ADAMTS13: variants seen among roughly 807,000 people sequenced by gnomAD.
The protein encoded by ADAMTS13 is A disintegrin and metalloproteinase with thrombospondin motifs 13.
In ADAMTS13, 110 loss-of-function variants were observed where a neutral mutation model predicts 155.1. That is an observed-to-expected ratio of 0.71 (90% CI 0.61 to 0.83). The LOEUF (loss-of-function observed/expected upper bound fraction) is 0.83, where lower values mean the gene tolerates loss of function less well. ADAMTS13 is among the 40% of genes least tolerant of loss of function. The pLI is 0.00. For synonymous variants in ADAMTS13, 758 were observed against 756.4 expected (o/e 1.00, Z -0.03); for missense variants, 1,707 against 1,891.7 (o/e 0.90, Z 1.81).
At chr9:133,433,958 T>C (rs1840988704) in intron 11 of ADAMTS13, among the ~76,000 whole-genome samples, 1 of 151,682 alleles carries the variant, frequency 6.6e-6, no homozygotes, top group Non-Finnish European at 1.5e-5. Flanking sequence ...TAGCCGGGCG[T>C]GGTGGTGGGC....
At chr9:133,453,408 C>T (rs1363623281) in intron 23 of ADAMTS13, among the ~76,000 whole-genome samples, 2 of 152,114 alleles carry the variant, frequency 1.3e-5, no homozygotes, top group Admixed American at 6.5e-5. Context: ...TGCACTCCAG[C>T]CTGGGTGGTT....
upstream of ADAMTS13, among the ~76,000 whole-genome samples, chr9:133,418,817 C>T (rs782274315): frequency 3.3e-5 from 5 of 152,192 alleles, no homozygotes; most frequent in Non-Finnish European, 4.4e-5. Flanking sequence ...GGCGCGGCGC[C>T]GGGCTGTCTG....
intron 8 of ADAMTS13, among the ~76,000 whole-genome samples, chr9:133,430,762 A>C (rs1467717650): frequency 5.2e-4 from 75 of 143,090 alleles, no homozygotes; most frequent in Non-Finnish European, 8.7e-4. Context: ...CCAGATTCAC[A>C]CCATTCTCCT....
intron 1 of ADAMTS13, chr9:133,415,771 T>G (rs1188227746): frequency 6.6e-6 from 1 of 152,240 alleles, no homozygotes; most frequent in Non-Finnish European, 1.5e-5. Flanking sequence ...ATTTTGCTTT[T>G]CTTTCTTGGG....
rs1479338170 is a variant in ADAMTS13 at position 133,455,339 on chromosome 9, C to T, written c.3304C>T (p.Pro1102Ser). 3 of 1,609,662 alleles carry T rather than the reference C, an allele frequency of 1.9e-6. No individual in the cohort carries two copies. Among genetic ancestry groups the T allele is most frequent in the African/African-American group, 2.7e-5 (2 of 74,930 alleles). ...IQRRRDTCLG[P>S]QAQAPVPADF... ...GCGCCGGCGTGACACCTGCCTCGGA[C>T]CCCAGGCCCAGGCGCCTGTGCCAGC... Residue 1102 changes from proline to serine, a missense_variant, in exon 25 of 29, where the codon CCC becomes TCC. Pro to Ser is a moderately conservative substitution (Grantham distance 74, BLOSUM62 -1). Around this residue, in one of 3 missense-constraint regions of ADAMTS13, gnomAD observed 961 missense variants for 1,107.9 expected, o/e 0.87. Transcript: ENST00000355699.
Position 133,433,391 on chromosome 9 carries a change from G to T in ADAMTS13, c.1106G>T (p.Gly369Val). 1.9e-6 allele frequency: 3 copies of T among 1,612,924 alleles called. No individual in the cohort carries two copies. The highest frequency in any genetic ancestry group is 2.5e-6 in the Non-Finnish European group (3 of 1,179,934). Residue 369 changes from glycine to valine, a missense_variant, in exon 10 of 29, where the codon GGT becomes GTT. Gly to Val is a moderately radical substitution (Grantham distance 109). Transcript: ENST00000355699. The stretch of plus-strand genomic sequence containing the variant: ...CTTGCCTTGCAGTGGTGCTCCAAGG[G>T]TCGCTGCCGCTCCCTGGTGGAGCTG... Reference protein sequence around the residue: ...ECGVEKWCSKGRCRSLVELTP... With the variant: ...ECGVEKWCSKVRCRSLVELTP...
chr9:133,417,815 C>G, upstream of ADAMTS13: 1 of 1,604,918 alleles, frequency 6.2e-7, no homozygotes, highest in South Asian at 1.1e-5. Context: ...TCGGGGCGCG[C>G]TTGGAGGCGG....
intron 23 of ADAMTS13, among the ~76,000 whole-genome samples, chr9:133,450,823 G>C (rs910417737): frequency 2.6e-5 from 4 of 152,236 alleles, no homozygotes; most frequent in African/African-American, 9.6e-5. Context: ...GTAAGGAATA[G>C]GGCTACCTGG....
intron 11 of ADAMTS13, among the ~76,000 whole-genome samples, chr9:133,436,114 G>A (rs1841192892): frequency 6.7e-6 from 1 of 150,152 alleles, no homozygotes; most frequent in Non-Finnish European, 1.5e-5. Context: ...ATGGCGCCCG[G>A]CCTGTTTTCT....
At chr9:133,458,877 T>C (rs1588215057) in intron 28 of ADAMTS13, 97 bp from the exon 29 acceptor site, 1 of 1,129,074 alleles carries the variant, frequency 8.9e-7, no homozygotes, top group East Asian at 2.6e-5. Context: ...AAGCATTAAA[T>C]GTGATCCGGA....
In ADAMTS13 at chr9:133,440,641, A is replaced by C; in HGVS notation, c.1968+116A>C. The C allele has an allele frequency of 7.9e-7, 1 of 1,265,806 alleles. No homozygotes were observed. Among genetic ancestry groups the C allele is most frequent in the Non-Finnish European group, 1.1e-6 (1 of 934,902 alleles). 78.4% of individuals were successfully genotyped at this position (1,265,806 alleles called of 1,614,324 possible). ...TCGTTCATTTATTCATTCAGCGGTC[A>C]CTTACAGGGGACCCACTATGTGTTG... On this transcript the variant is annotated intron_variant, in intron 16 of 28. Coordinates refer to ENST00000355699, the MANE Select transcript of ADAMTS13 (RefSeq NM_139027.6). The surrounding 1 kb of genome is among the most constrained non-coding windows in gnomAD (Gnocchi z 4.3).
intron 21 of ADAMTS13, among the ~76,000 whole-genome samples, chr9:133,447,586 T>C (rs587668152): frequency 3.3e-5 from 5 of 150,466 alleles, no homozygotes; most frequent in African/African-American, 1.2e-4. Flanking sequence ...TTTTTCTTTT[T>C]CTTTTTTTTC....
rs138555919 is a variant in ADAMTS13 at position 133,451,471 on chromosome 9, C to T, written c.3044+1506C>T. Among the ~76,000 whole-genome samples, 1,174 of 152,194 alleles carry T rather than the reference C, an allele frequency of 7.7e-3. 12 individuals are homozygous for T. The highest frequency in any genetic ancestry group is 0.026 in the African/African-American group (1,098 of 41,522). ...CAGGGTTTCACCATATTGGTCAGGC[C>T]GATCTTGAACTCCTGACCTCAGGAG... On this transcript the variant is annotated intron_variant, in intron 23 of 28. Coordinates refer to ENST00000355699, the MANE Select transcript of ADAMTS13 (RefSeq NM_139027.6).
rs782448829 is a variant in ADAMTS13, at chr9:133,442,550, G to A, written c.2104+16G>A. 9.3e-6 allele frequency: 15 copies of A among 1,613,404 alleles called. No homozygotes were observed. The highest frequency in any genetic ancestry group is 1.3e-5 in the Non-Finnish European group (15 of 1,180,024). ...TGTGGGGCAGGTGAGACCTGGGGAA[G>A]GCTCATCCACAGCACGGCTTGCCCC... On this transcript the variant is annotated intron_variant, in intron 17 of 28. Transcript: ENST00000355699.
chr9:133,433,102 TG>T (rs1302704659), intron 9 of ADAMTS13, among the ~76,000 whole-genome samples: 14 of 95,448 alleles, frequency 1.5e-4, no homozygotes, highest in African/African-American at 5.8e-4. Context: ...GTGTGTATGT[TG>T]GGGGGTCTCT....
At position 133,448,670 on chromosome 9, in the gene ADAMTS13, C is replaced by G. The variant is rs1842230806; in HGVS notation, c.2803C>G (p.Leu935Val). Residue 935 changes from leucine (L) to valine (V), a missense_variant, in exon 22 of 29, where the codon CTG becomes GTG. Around this residue, in one of 3 missense-constraint regions of ADAMTS13, gnomAD observed 961 missense variants for 1,107.9 expected, o/e 0.87. Coordinates refer to ENST00000355699, the MANE Select transcript of ADAMTS13 (RefSeq NM_139027.6). ...GCCTGTCCAGGAAGAGCTGTGTGGC[C>G]TGGCAAGCAAGCCTGGGAGCCGGCG... ...RVPVQEELCG[L>V]ASKPGSRREV... 1.2e-6 allele frequency: 2 copies of G among 1,607,970 alleles called. No homozygotes were observed. The highest frequency in any genetic ancestry group is 4.5e-5 in the East Asian group (2 of 44,872).
At chr9:133,457,856 C>T in intron 27 of ADAMTS13, 54 bp from the exon 28 acceptor site, 1 of 1,608,978 alleles carries the variant, frequency 6.2e-7, no homozygotes, top group Non-Finnish European at 8.5e-7. Flanking sequence ...GTTGTCCTGG[C>T]CTCTGGCACC....
In ADAMTS13 at chr9:133,433,511, G is replaced by A. The variant is rs1588165946; in HGVS notation, c.1226G>A (p.Arg409Gln). The change falls in exon 10 of 29, where the codon CGG becomes CAG. Residue 409 changes from arginine to glutamine, a missense_variant. Transcript: ENST00000355699. ...SCGGGVVTRR[R>Q]QCNNPRPAFG... is the part of the protein sequence containing the mutation. ...GGAGGAGGTGTGGTCACCAGGAGGCGGCAGTGCAACAACCCCAGGTACCGC... is the reference window on the plus strand; with the variant it reads ...GGAGGAGGTGTGGTCACCAGGAGGCAGCAGTGCAACAACCCCAGGTACCGC... 3.1e-6 allele frequency: 5 copies of A among 1,613,558 alleles called. No individual in the cohort carries two copies. Among genetic ancestry groups the A allele is most frequent in the South Asian group, 2.2e-5 (2 of 91,080 alleles).
At chr9:133,452,441 TTAACA>T (rs1238315340) in intron 23 of ADAMTS13, among the ~76,000 whole-genome samples, 1 of 152,232 alleles carries the variant, frequency 6.6e-6, no homozygotes, top group Non-Finnish European at 1.5e-5. Flanking sequence ...TTATAACCAT[TTAACA>T]TCTGTGTCAC....
Sources: allele counts gnomAD v4.1 joint callset (sites outside exome capture counted in the v4.1 genomes callset), GRCh38; gene constraint gnomAD v4.1.1; regional missense constraint gnomAD v4.1.1; non-coding constraint Gnocchi (gnomAD v3.1); transcripts MANE v1.5; gene names NCBI Gene and HGNC (gene_info 2026-07-23, HGNC 2026-07-21).